The following GRID2IP variants were observed in gnomAD, a reference collection of about 807,000 sequenced individuals.
GRID2IP encodes delphilin.
In GRID2IP, 78 loss-of-function variants were observed where a neutral mutation model predicts 114.3. The ratio of observed to expected loss-of-function variants is 0.68; its 90% confidence interval spans 0.57 to 0.82. The LOEUF (loss-of-function observed/expected upper bound fraction) is 0.82. GRID2IP is among the 40% of genes least tolerant of loss of function. GRID2IP has a pLI of 0.00. For synonymous variants in GRID2IP, 809 were observed against 724.0 expected (o/e 1.12, Z -1.89); for missense variants, 1,727 against 1,678.5 (o/e 1.03, Z -0.51).
chr7:6,533,112 T>C (rs968039991), intron 2 of GRID2IP, among the ~76,000 whole-genome samples: 3 of 152,196 alleles, frequency 2.0e-5, no homozygotes, highest in African/African-American at 7.2e-5. Flanking sequence ...TGTTACAAAA[T>C]GACAACTGAC....
rs1397210929 is a variant in GRID2IP, at chr7:6,528,005, G to A, written c.585-1236C>T. On this transcript the variant is annotated intron_variant, in intron 2 of 21. Transcript: ENST00000457091. The surrounding 1 kb of genome is among the most constrained non-coding windows in gnomAD (Gnocchi z 6.0). ...ACTCCTGACCTCAGGTGATCTGCCC[G>A]CCTCGGCCTCCCAAAGTCCTGGGAT... Among the ~76,000 whole-genome samples, 1 of 152,002 alleles carries A rather than the reference G, an allele frequency of 6.6e-6. No individual in the cohort carries two copies. Among genetic ancestry groups the A allele is most frequent in the Non-Finnish European group, 1.5e-5 (1 of 68,008 alleles).
In GRID2IP at chr7:6,539,750, T is replaced by C; in HGVS notation, c.552A>G (p.Arg184=). 1 of 1,549,842 alleles carries C rather than the reference T, an allele frequency of 6.5e-7. No individual in the cohort carries two copies. Among genetic ancestry groups the C allele is most frequent in the South Asian group, 1.2e-5 (1 of 83,972 alleles). The change falls in exon 2 of 22, where the codon CGA becomes CGG. Residue 184 remains arginine, a synonymous_variant. Coordinates refer to ENST00000457091, the MANE Select transcript of GRID2IP (RefSeq NM_001145118.2). ...LVWTLTLALP[R]EACGPLLDNL... is the part of the protein sequence containing the mutation. Reference sequence around the variant, plus strand: ...TGTCCAGGAGTGGCCCGCAGGCCTCTCGGGGCAGCGCCAGGGTGAGAGTCC... The same window carrying C: ...TGTCCAGGAGTGGCCCGCAGGCCTCCCGGGGCAGCGCCAGGGTGAGAGTCC...
Position 6,506,421 on chromosome 7 carries a change from C to T in GRID2IP, c.2545-514G>A, listed in dbSNP as rs1029569412. Among the ~76,000 whole-genome samples the T allele has an allele frequency of 1.3e-5, 2 of 152,042 alleles. No individual in the cohort carries two copies. The highest frequency in any genetic ancestry group is 4.8e-5 in the African/African-American group (2 of 41,386). On this transcript the variant is annotated intron_variant, in intron 13 of 21. Transcript: ENST00000457091. The surrounding 1 kb of genome is among the most constrained non-coding windows in gnomAD (Gnocchi z 5.2). ...CTGGGGCTGGGGCAGGGAGTGCGGA[C>T]GGGGTGGCTGCCAAAGGGAGAGAAC...
rs1450649465 is a variant in GRID2IP, at chr7:6,536,777, T to C, written c.584+2941A>G. ...AAATTCGGCTCTAGAAATAACTTTT[T>C]TCCTTTTTTCCCCTCTTCTGATTCT... On this transcript the variant is annotated intron_variant, in intron 2 of 21. Transcript: ENST00000457091. The surrounding 1 kb of genome is among the most constrained non-coding windows in gnomAD (Gnocchi z 5.3). 4.3e-6 allele frequency: 3 copies of C among 701,488 alleles called. No individual in the cohort carries two copies. The African/African-American group carries it at 5.3e-5, about 12-fold the overall frequency. The allele number at this position is 701,488 out of a possible 1,614,324, so 43.5% of individuals were successfully genotyped here. A position where few individuals can be genotyped will look rare whatever the true frequency, so the allele number is the denominator to read the frequency against.
chr7:6,550,589 T>C (rs1394810722), intron 1 of GRID2IP, among the ~76,000 whole-genome samples: 1 of 146,926 alleles, frequency 6.8e-6, no homozygotes, highest in Non-Finnish European at 1.5e-5. Flanking sequence ...GGTGGGCAGA[T>C]CACTTGAGGT....
At chr7:6,504,927 G>C (rs1786532714) in intron 14 of GRID2IP, 57 bp from the exon 15 acceptor site, 3 of 1,440,640 alleles carry the variant, frequency 2.1e-6, no homozygotes, top group South Asian at 2.4e-5. Context: ...CAGTGGGAAG[G>C]CCCAGGGGTG....
chr7:6,504,256 C>T (rs1206887902), intron 15 of GRID2IP, among the ~76,000 whole-genome samples: 1 of 133,190 alleles, frequency 7.5e-6, no homozygotes, highest in African/African-American at 2.9e-5. Context: ...CTGAGCGGGG[C>T]TGCTGGTTGA....
rs1786283296 is a variant in GRID2IP, at chr7:6,497,421, A to G, written c.*353T>C. ...GGACCCACTAGGAGCAGGATCAGAA[A>G]AAAGGTCCACATGTCCCAGGAATGT... is the stretch of plus-strand genomic sequence containing the variant. On this transcript the variant is annotated 3_prime_UTR_variant, in exon 22 of 22. Transcript: ENST00000457091. The G allele has an allele frequency of 5.0e-6, 1 of 198,080 alleles. No individual in the cohort carries two copies. Among genetic ancestry groups the G allele is most frequent in the Non-Finnish European group, 1.0e-5 (1 of 98,080 alleles). The allele number at this position is 198,080 out of a possible 1,614,324, so 12.3% of individuals were successfully genotyped here. A position where few individuals can be genotyped will look rare whatever the true frequency, so the allele number is the denominator to read the frequency against.
Position 6,526,857 on chromosome 7 carries a change from C to A in GRID2IP, c.585-88G>T. On this transcript the variant is annotated intron_variant, in intron 2 of 21. Coordinates refer to ENST00000457091, the MANE Select transcript of GRID2IP (RefSeq NM_001145118.2). This position sits in a 1 kb window ranked among gnomAD's most constrained non-coding sequence, Gnocchi z 7.6. The stretch of plus-strand genomic sequence containing the variant: ...CCCGAAGGCGCGTCCTCGCGGGCGC[C>A]GCCCTAGGCTCTCCCACCTCTTCCT... The A allele has an allele frequency of 7.5e-7, 1 of 1,329,174 alleles. No individual in the cohort carries two copies. The highest frequency in any genetic ancestry group is 1.6e-5 in the South Asian group (1 of 64,080). The allele number at this position is 1,329,174 out of a possible 1,614,324, so 82.3% of individuals were successfully genotyped here.
In GRID2IP at chr7:6,551,353, G is replaced by A. The variant is rs779475223; in HGVS notation, c.84C>T (p.Phe28=). 8 of 1,548,860 alleles carry A rather than the reference G, an allele frequency of 5.2e-6. No homozygotes were observed. The South Asian group carries it at 7.1e-5, about 14-fold the overall frequency. Residue 28 remains phenylalanine, a synonymous_variant, in exon 1 of 22, where the codon TTC becomes TTT. Coordinates refer to ENST00000457091, the MANE Select transcript of GRID2IP (RefSeq NM_001145118.2). The part of the protein sequence containing the change: ...GFRLGGSGPC[F]VLEVAKGSSA... ...TGCTCCCCTTGGCCACCTCCAGGAC[G>A]AAGCAGGGGCCAGAGCCACCTAGCC...
At chr7:6,499,880 C>T (rs937373100) in intron 20 of GRID2IP, among the ~76,000 whole-genome samples, 2 of 152,006 alleles carry the variant, frequency 1.3e-5, no homozygotes, top group South Asian at 2.1e-4. Flanking sequence ...CAGGCATGCA[C>T]CACTATGCCA....
Position 6,507,946 on chromosome 7 carries a change from C to T in GRID2IP, c.2544+39G>A, listed in dbSNP as rs958108630. ...TCAGTGCTGCTGCCCAAGCCATCCT[C>T]CCCCAGTACAGAGCGCTGCTGGGTC... is the stretch of plus-strand genomic sequence containing the variant. On this transcript the variant is annotated intron_variant, in intron 13 of 21. Transcript: ENST00000457091. This position sits in a 1 kb window ranked among gnomAD's most constrained non-coding sequence, Gnocchi z 5.3. 2.6e-6 allele frequency: 4 copies of T among 1,546,794 alleles called. No individual in the cohort carries two copies. The highest frequency in any genetic ancestry group is 2.6e-6 in the Non-Finnish European group (3 of 1,145,380).
At position 6,532,769 on chromosome 7, in the gene GRID2IP, A is replaced by G. The variant is rs1325317916; in HGVS notation, c.585-6000T>C. 6.6e-6 allele frequency among the ~76,000 whole-genome samples: 1 copy of G among 152,202 alleles called. No homozygotes were observed. The highest frequency in any genetic ancestry group is 2.4e-5 in the African/African-American group (1 of 41,452). The stretch of plus-strand genomic sequence containing the variant: ...CAGAATCCAGAACCACACATGGCCA[A>G]AGGCTCTGAAAACCATCCACCGTGC... On this transcript the variant is annotated intron_variant, in intron 2 of 21. Coordinates refer to ENST00000457091, the MANE Select transcript of GRID2IP (RefSeq NM_001145118.2). This position sits in a 1 kb window ranked among gnomAD's most constrained non-coding sequence, Gnocchi z 4.4.
At chr7:6,548,254 G>C (rs1779916766) in intron 1 of GRID2IP, among the ~76,000 whole-genome samples, 1 of 152,106 alleles carries the variant, frequency 6.6e-6, no homozygotes. Context: ...TTGGGAGGCT[G>C]AGCCAGGAGA....
At chr7:6,540,905 T>C (rs1356351481) in intron 1 of GRID2IP, among the ~76,000 whole-genome samples, 1 of 152,006 alleles carries the variant, frequency 6.6e-6, no homozygotes, top group Non-Finnish European at 1.5e-5. Context: ...GGTGTGATTA[T>C]AACTTACTGC....
intron 1 of GRID2IP, among the ~76,000 whole-genome samples, chr7:6,549,911 G>A (rs545143601): frequency 2.0e-5 from 3 of 151,826 alleles, no homozygotes; most frequent in East Asian, 1.9e-4. Flanking sequence ...GATTACAGGC[G>A]TGAGCCACCT....
At position 6,497,811 on chromosome 7, in the gene GRID2IP, A is replaced by G; in HGVS notation, c.3599T>C (p.Leu1200Pro). The change falls in exon 22 of 22, where the codon CTG (leucine) becomes CCG (proline). Residue 1200 changes from leucine (L) to proline (P), a missense_variant. Coordinates refer to ENST00000457091, the MANE Select transcript of GRID2IP (RefSeq NM_001145118.2). ...GGGTGAAACCATCCCGGAGCTGCGC[A>G]GGCCCTCCCCGGCCTGCAGGTCACT... Reference protein sequence around the residue: ...ALSDLQAGEGLRSSGMVSPLA... With the variant: ...ALSDLQAGEGPRSSGMVSPLA... 4 of 1,550,246 alleles carry G rather than the reference A, an allele frequency of 2.6e-6. No homozygotes were observed. The highest frequency in any genetic ancestry group is 2.4e-5 in the East Asian group (1 of 40,886).
chr7:6,506,709 T>G lies in GRID2IP; in HGVS notation c.2545-802A>C, dbSNP rs1786603264. Among the ~76,000 whole-genome samples, 1 of 143,504 alleles carries G rather than the reference T, an allele frequency of 7.0e-6. No individual in the cohort carries two copies. 94.1% of individuals were successfully genotyped at this position (143,504 alleles called of 152,430 possible). A position where few individuals can be genotyped will look rare whatever the true frequency, so the allele number is the denominator to read the frequency against. Reference sequence around the variant, plus strand: ...TTTTTTTTTTTTTTTTTAGATAGGGTCTCACTCTGTACCCCAGGCTGGAGT... The same window carrying G: ...TTTTTTTTTTTTTTTTTAGATAGGGGCTCACTCTGTACCCCAGGCTGGAGT... On this transcript the variant is annotated intron_variant, in intron 13 of 21. Transcript: ENST00000457091. This position sits in a 1 kb window ranked among gnomAD's most constrained non-coding sequence, Gnocchi z 5.2.
chr7:6,520,643 C>T lies in GRID2IP; in HGVS notation c.1203G>A (p.Glu401=). Residue 401 remains glutamate (E), a synonymous_variant, in exon 7 of 22, where the codon GAG becomes GAA. Coordinates refer to ENST00000457091, the MANE Select transcript of GRID2IP (RefSeq NM_001145118.2). This position sits in a 1 kb window ranked among gnomAD's most constrained non-coding sequence, Gnocchi z 4.6. ...AGCGCTCAGGAGGTGTGAGTAGGTGCTCCAGCTGCTGGCTGAAGGTCCTCC... is the reference window on the plus strand; with the variant it reads ...AGCGCTCAGGAGGTGTGAGTAGGTGTTCCAGCTGCTGGCTGAAGGTCCTCC... The part of the protein sequence containing the change: ...VQGRTFSQQL[E]HLLTPPERYG... 6.4e-7 allele frequency: 1 copy of T among 1,551,728 alleles called. No homozygotes were observed. Among genetic ancestry groups the T allele is most frequent in the South Asian group, 1.2e-5 (1 of 84,060 alleles).
Sources: allele counts gnomAD v4.1 joint callset (sites outside exome capture counted in the v4.1 genomes callset), GRCh38; gene constraint gnomAD v4.1.1; non-coding constraint Gnocchi (gnomAD v3.1); transcripts MANE v1.5; gene names NCBI Gene and HGNC (gene_info 2026-07-23, HGNC 2026-07-21).